CD200R1: variants seen among roughly 807,000 people sequenced by gnomAD.
CD200R1 encodes the protein cell surface glycoprotein CD200 receptor 1.
CD200R1 carries 30 observed loss-of-function variants against 38.1 expected under a neutral mutation model. That is an observed-to-expected ratio of 0.79 (90% CI 0.59 to 1.07). The LOEUF is 1.07. Ranked by LOEUF, CD200R1 falls within the 50% of genes least tolerant of loss-of-function variation. The probability of loss-of-function intolerance (pLI) is 0.00; values close to 1 mark genes in which losing one functional copy is unlikely to be tolerated. For synonymous variants in CD200R1, 128 were observed against 152.1 expected, an observed-to-expected ratio of 0.84 and a Z score of 1.16; for missense variants, 372 against 415.4, an observed-to-expected ratio of 0.90 and a Z score of 0.91.
At chr3:112,936,212 A>T (rs1209323222) in intron 2 of CD200R1, among the ~76,000 whole-genome samples, 1 of 152,196 alleles carries the variant, frequency 6.6e-6, no homozygotes, top group East Asian at 1.9e-4. Flanking sequence ...ACTGATGGGC[A>T]TTTAGGTTGA....
At position 112,922,003 on chromosome 3, in the gene CD200R1, T is replaced by C. The variant is rs1366978701; in HGVS notation, c.*1674A>G. On this transcript the variant is annotated 3_prime_UTR_variant, in exon 8 of 8. Coordinates refer to ENST00000308611, the MANE Select transcript of CD200R1 (RefSeq NM_138806.4). ...AGTGTAATGATGTCTATTGTGAACATTGCTTGGTAATATTTATATGCAGAA... is the reference window on the plus strand; with the variant it reads ...AGTGTAATGATGTCTATTGTGAACACTGCTTGGTAATATTTATATGCAGAA... 6 of 152,020 alleles carry C rather than the reference T, an allele frequency of 3.9e-5. No homozygotes were observed. Among genetic ancestry groups the C allele is most frequent in the Non-Finnish European group, 7.4e-5 (5 of 67,954 alleles). The allele number at this position is 152,020 out of a possible 1,614,324, so 9.4% of individuals were successfully genotyped here. A position where few individuals can be genotyped will look rare whatever the true frequency, so the allele number is the denominator to read the frequency against.
intron 2 of CD200R1, among the ~76,000 whole-genome samples, chr3:112,932,957 T>A (rs1279318856): frequency 6.6e-6 from 1 of 152,100 alleles, no homozygotes; most frequent in Non-Finnish European, 1.5e-5. Flanking sequence ...AGTGTCTGCA[T>A]GATTATGTCC....
chr3:112,952,726 T>G (rs1940996703), intron 1 of CD200R1, among the ~76,000 whole-genome samples: 1 of 152,112 alleles, frequency 6.6e-6, no homozygotes, highest in Admixed American at 6.6e-5. Flanking sequence ...GTGTGGCACA[T>G]GTATACATAT....
intron 2 of CD200R1, among the ~76,000 whole-genome samples, chr3:112,945,192 C>T (rs953611287): frequency 6.6e-6 from 1 of 152,136 alleles, no homozygotes; most frequent in Non-Finnish European, 1.5e-5. Context: ...AAAATCTCAG[C>T]AAGTTATTTT....
chr3:112,935,313 T>C (rs1940549787), intron 2 of CD200R1, among the ~76,000 whole-genome samples: 1 of 152,196 alleles, frequency 6.6e-6, no homozygotes, highest in Non-Finnish European at 1.5e-5. Flanking sequence ...ACATGGAACA[T>C]TCTCCAGAAT....
intron 1 of CD200R1, among the ~76,000 whole-genome samples, chr3:112,961,177 A>T (rs142727041): frequency 6.6e-6 from 1 of 152,108 alleles, no homozygotes; most frequent in Admixed American, 6.5e-5. Flanking sequence ...TACCCCTGGA[A>T]TCTCGCAGGG....
At chr3:112,958,406 C>T (rs778521748) in intron 1 of CD200R1, among the ~76,000 whole-genome samples, 1 of 152,084 alleles carries the variant, frequency 6.6e-6, no homozygotes, top group African/African-American at 2.4e-5. Context: ...AAAAATACTG[C>T]TACTAATATA....
intron 1 of CD200R1, among the ~76,000 whole-genome samples, chr3:112,967,582 C>T (rs1933199943): frequency 6.6e-6 from 1 of 152,218 alleles, no homozygotes; most frequent in African/African-American, 2.4e-5. Flanking sequence ...CTATGTCTGT[C>T]TTGATCAAAT....
chr3:112,933,011 T>A (rs1431649482), intron 2 of CD200R1, among the ~76,000 whole-genome samples: 1 of 152,076 alleles, frequency 6.6e-6, no homozygotes, highest in Non-Finnish European at 1.5e-5. Context: ...TGAACAACCC[T>A]AGACTGACAG....
intron 1 of CD200R1, among the ~76,000 whole-genome samples, chr3:112,961,835 C>T (rs1403852816): frequency 2.6e-5 from 4 of 151,898 alleles, no homozygotes; most frequent in African/African-American, 9.7e-5. Context: ...GACAACTCAA[C>T]TGAAAAAATG....
intron 1 of CD200R1, among the ~76,000 whole-genome samples, chr3:112,958,772 G>GT (rs996460516): frequency 6.6e-6 from 1 of 152,092 alleles, no homozygotes; most frequent in Non-Finnish European, 1.5e-5. Context: ...TGAAAATAAT[G>GT]TTTTTTAAAA....
intron 2 of CD200R1, among the ~76,000 whole-genome samples, chr3:112,941,565 G>C (rs1052938330): frequency 7.3e-5 from 11 of 151,518 alleles, no homozygotes; most frequent in Non-Finnish European, 1.6e-4. Flanking sequence ...GAGCTCTGTA[G>C]AGTTTTTCAC....
At chr3:112,964,943 T>C (rs1411930427) in intron 1 of CD200R1, among the ~76,000 whole-genome samples, 1 of 152,194 alleles carries the variant, frequency 6.6e-6, no homozygotes, top group African/African-American at 2.4e-5. Context: ...CTGATGGTTT[T>C]AAAAATGGGA....
At chr3:112,961,995 G>T (rs916422521) in intron 1 of CD200R1, among the ~76,000 whole-genome samples, 2 of 152,044 alleles carry the variant, frequency 1.3e-5, no homozygotes, top group Admixed American at 1.3e-4. Context: ...AGAAAAGTAG[G>T]AAGTTTCAAA....
chr3:112,939,683 A>T (rs2107316256), intron 2 of CD200R1, among the ~76,000 whole-genome samples: 1 of 151,998 alleles, frequency 6.6e-6, no homozygotes, highest in South Asian at 2.1e-4. Flanking sequence ...CATGGACTAG[A>T]ATAACTAATA....
In CD200R1 at chr3:112,928,907, T is replaced by A; in HGVS notation, c.678A>T (p.Thr226=). ...ACACATTGTGGACCTCCCAGTGGCA[T>A]GTACTCTTAACAGTCACTGTGCCAT... The part of the protein sequence containing the change: ...WSNGTVTVKS[T]CHWEVHNVST... Residue 226 remains threonine, a synonymous_variant, in exon 5 of 8, where the codon ACA becomes ACT. Coordinates refer to ENST00000308611, the MANE Select transcript of CD200R1 (RefSeq NM_138806.4). The A allele has an allele frequency of 1.2e-6, 2 of 1,613,966 alleles. No homozygotes were observed. The highest frequency in any genetic ancestry group is 2.7e-5 in the African/African-American group (2 of 75,056).
chr3:112,954,033 A>AT (rs1200790749), intron 1 of CD200R1, among the ~76,000 whole-genome samples: 2 of 151,220 alleles, frequency 1.3e-5, no homozygotes, highest in African/African-American at 4.9e-5. Flanking sequence ...TTTATTTGAG[A>AT]TTTTTCTTCT....
intron 1 of CD200R1, among the ~76,000 whole-genome samples, chr3:112,965,077 T>C (rs537857084): frequency 6.9e-4 from 105 of 152,352 alleles, no homozygotes; most frequent in African/African-American, 2.4e-3. Flanking sequence ...CTCTTTCTTT[T>C]GTAAATTGCC....
intron 5 of CD200R1, among the ~76,000 whole-genome samples, chr3:112,926,859 G>GAAAT (rs145082435): frequency 0.04 from 6,057 of 151,844 alleles, 252 homozygotes; most frequent in East Asian, 0.21. Context: ...TTTTAAGTGA[G>GAAAT]AAATGAATAG....
Sources: gnomAD v4.1 joint callset for allele counts (sites outside exome capture counted in the v4.1 genomes callset) on GRCh38, gnomAD v4.1.1 for gene constraint, MANE v1.5 for transcripts, NCBI Gene and HGNC (gene_info 2026-07-23, HGNC 2026-07-21) for gene names.